The following ZMIZ1 variants were observed in gnomAD, a reference collection of about 807,000 sequenced individuals.
The protein encoded by ZMIZ1 is zinc finger MIZ domain-containing protein 1.
ZMIZ1 carries 17 observed loss-of-function variants against 113.9 expected under a neutral mutation model. That is an observed-to-expected ratio of 0.15 (90% CI 0.10 to 0.22). The LOEUF is 0.22. Ranked by LOEUF, ZMIZ1 falls within the 10% of genes least tolerant of loss-of-function variation. The probability of loss-of-function intolerance (pLI) is 1.00; values close to 1 mark genes in which losing one functional copy is unlikely to be tolerated. For synonymous variants in ZMIZ1, 607 were observed against 603.1 expected (o/e 1.01, Z -0.09); for missense variants, 1,059 against 1,477.8 (o/e 0.72, Z 4.65).
At chr10:79,119,520 G>A (rs182063330) in intron 2 of ZMIZ1, among the ~76,000 whole-genome samples, 21 of 152,292 alleles carry the variant, frequency 1.4e-4, no homozygotes, top group African/African-American at 4.6e-4. Flanking sequence ...TGCCCCAGGC[G>A]GCACACCTGG....
At chr10:79,215,248 A>G (rs1024391978) in intron 6 of ZMIZ1, among the ~76,000 whole-genome samples, 1 of 151,290 alleles carries the variant, frequency 6.6e-6, no homozygotes, top group African/African-American at 2.4e-5. Flanking sequence ...GCCTTAGTCG[A>G]TTAAGCAGCT....
intron 7 of ZMIZ1, among the ~76,000 whole-genome samples, chr10:79,219,815 A>G (rs1331339255): frequency 6.6e-6 from 1 of 152,160 alleles, no homozygotes; most frequent in African/African-American, 2.4e-5. Context: ...TGGCTTGGCC[A>G]TCCTCAGATT....
In ZMIZ1 at chr10:79,306,299, C is replaced by T. The variant is rs1461208538; in HGVS notation, c.2623C>T (p.Pro875Ser). The T allele has an allele frequency of 6.2e-7, 1 of 1,613,350 alleles. No individual in the cohort carries two copies. Residue 875 changes from proline (P) to serine (S), a missense_variant, in exon 22 of 25, where the codon CCG becomes TCG. By Grantham distance (74) the Pro-to-Ser change is moderately conservative. This residue lies in a region of ZMIZ1 where 225 missense variants were observed against 276.0 expected (regional missense o/e 0.82). Coordinates refer to ENST00000334512, the MANE Select transcript of ZMIZ1 (RefSeq NM_020338.4). ...CCCCGGCCCGTCCCCCTATCCCCTCCCGCCTCCCCCAGGGGGCACCAACTC... is the reference window on the plus strand; with the variant it reads ...CCCCGGCCCGTCCCCCTATCCCCTCTCGCCTCCCCCAGGGGGCACCAACTC... The part of the protein sequence containing the change: ...LGPGPSPYPL[P>S]PPPGGTNSND...
At chr10:79,196,421 A>T (rs550515955) in intron 4 of ZMIZ1, among the ~76,000 whole-genome samples, 1 of 152,180 alleles carries the variant, frequency 6.6e-6, no homozygotes, top group Admixed American at 6.5e-5. Flanking sequence ...CAAAACACTG[A>T]TGGGCCCCAG....
At chr10:79,132,773 G>C (rs1224673238) in intron 2 of ZMIZ1, among the ~76,000 whole-genome samples, 1 of 152,218 alleles carries the variant, frequency 6.6e-6, no homozygotes, top group Non-Finnish European at 1.5e-5. Context: ...GCAGTGGGGT[G>C]GGGGCAGGGC....
At chr10:79,271,112 T>C (rs1851923593) in intron 7 of ZMIZ1, among the ~76,000 whole-genome samples, 1 of 152,168 alleles carries the variant, frequency 6.6e-6, no homozygotes, top group African/African-American at 2.4e-5. Context: ...AGGGGCCCTG[T>C]GCAACATGTG....
chr10:79,301,663 G>T (rs1437444723), intron 17 of ZMIZ1, among the ~76,000 whole-genome samples: 1 of 152,188 alleles, frequency 6.6e-6, no homozygotes, highest in Non-Finnish European at 1.5e-5. Flanking sequence ...TCCCATTCTG[G>T]CTGGGGAATG....
At position 79,201,653 on chromosome 10, in the gene ZMIZ1, C is replaced by T; in HGVS notation, c.21C>T (p.His7=). The change falls in exon 5 of 25, where the codon CAC becomes CAT. Residue 7 remains histidine (H), a synonymous_variant. Transcript: ENST00000334512. ...CCAGAATGAATTCTATGGACAGGCA[C>T]ATCCAGCAGACCAATGACCGACTGC... MNSMDR[H]IQQTNDRLQC... 1 of 1,613,720 alleles carries T rather than the reference C, an allele frequency of 6.2e-7. No individual in the cohort carries two copies. Among genetic ancestry groups the T allele is most frequent in the Non-Finnish European group, 8.5e-7 (1 of 1,179,916 alleles).
intron 2 of ZMIZ1, among the ~76,000 whole-genome samples, chr10:79,133,118 G>A (rs1844844067): frequency 6.6e-6 from 1 of 152,174 alleles, no homozygotes; most frequent in Admixed American, 6.5e-5. Flanking sequence ...GACCCTGCTT[G>A]CTTCTCCAGC....
chr10:79,236,629 C>T (rs553952923), intron 7 of ZMIZ1, among the ~76,000 whole-genome samples: 1 of 152,310 alleles, frequency 6.6e-6, no homozygotes, highest in Admixed American at 6.5e-5. Context: ...AGCTTCCTGT[C>T]TGAACAGGCT....
chr10:79,292,135 C>T (rs780284574), intron 10 of ZMIZ1, 23 bp from the exon 11 acceptor site: 1 of 1,593,272 alleles, frequency 6.3e-7, no homozygotes, highest in East Asian at 2.2e-5. Context: ...GTACCTAACT[C>T]TTCCACCCTT....
intron 4 of ZMIZ1, among the ~76,000 whole-genome samples, chr10:79,166,198 A>AC (rs1846341355): frequency 6.6e-6 from 1 of 150,930 alleles, no homozygotes; most frequent in Admixed American, 6.6e-5. Flanking sequence ...GCACCTCCTC[A>AC]CCTCTGCTCT....
Position 79,181,336 on chromosome 10 carries a change from T to C in ZMIZ1, c.-50+19203T>C, listed in dbSNP as rs192033955. ...ACGGGCTGCCTGCTTCTGAGGAGGC[T>C]GGAGGTGAGCGGCTGGGCAGATGCA... On this transcript the variant is annotated intron_variant, in intron 4 of 24. Transcript: ENST00000334512. 5.3e-5 allele frequency among the ~76,000 whole-genome samples: 8 copies of C among 152,342 alleles called. No individual in the cohort carries two copies. The East Asian group carries it at 1.4e-3, about 26-fold the overall frequency.
intron 4 of ZMIZ1, among the ~76,000 whole-genome samples, chr10:79,201,284 G>A (rs1848067796): frequency 6.6e-6 from 1 of 152,178 alleles, no homozygotes; most frequent in Non-Finnish European, 1.5e-5. Context: ...CTCCAGCCTA[G>A]GTGACAAGAG....
intron 7 of ZMIZ1, among the ~76,000 whole-genome samples, chr10:79,231,083 T>C (rs914827636): frequency 1.2e-4 from 19 of 152,142 alleles, no homozygotes; most frequent in Non-Finnish European, 2.8e-4. Context: ...GCTAGGCAGA[T>C]GACACAAAGA....
At chr10:79,181,948 A>T (rs976581937) in intron 4 of ZMIZ1, among the ~76,000 whole-genome samples, 4 of 152,162 alleles carry the variant, frequency 2.6e-5, no homozygotes, top group African/African-American at 9.7e-5. Flanking sequence ...TGGGGATTAC[A>T]GGTTTGGGGC....
chr10:79,308,084 T>C (rs543274630), intron 23 of ZMIZ1, among the ~76,000 whole-genome samples: 1 of 152,360 alleles, frequency 6.6e-6, no homozygotes, highest in East Asian at 1.9e-4. Flanking sequence ...ACATATGCCC[T>C]GTGTGGCTGA....
intron 3 of ZMIZ1, among the ~76,000 whole-genome samples, chr10:79,145,458 G>A (rs556982339): frequency 3.3e-5 from 5 of 151,638 alleles, no homozygotes; most frequent in Admixed American, 6.6e-5. Flanking sequence ...TGGGGTCTCC[G>A]GGTTCAAATC....
chr10:79,109,631 C>T (rs1843669156), intron 1 of ZMIZ1, among the ~76,000 whole-genome samples: 1 of 152,218 alleles, frequency 6.6e-6, no homozygotes, highest in Admixed American at 6.5e-5. Context: ...CCCCACCATG[C>T]CTATGCACTC....
Sources: gnomAD v4.1 joint callset for allele counts (sites outside exome capture counted in the v4.1 genomes callset) on GRCh38, gnomAD v4.1.1 for gene constraint, gnomAD v4.1.1 regional missense constraint, MANE v1.5 for transcripts, NCBI Gene and HGNC (gene_info 2026-07-23, HGNC 2026-07-21) for gene names.